The following CLCNKA variants were observed in gnomAD, a reference collection of about 807,000 sequenced individuals.
CLCNKA encodes the protein chloride channel protein ClC-Ka.
In CLCNKA, 66 loss-of-function variants were observed where a neutral mutation model predicts 83.3. That is an observed-to-expected ratio of 0.79 (90% CI 0.65 to 0.97). The LOEUF is 0.97. Among genes scored for constraint, CLCNKA ranks in the 50% least tolerant of loss-of-function variants. The probability of loss-of-function intolerance (pLI) is 0.00; values close to 1 mark genes in which losing one functional copy is unlikely to be tolerated. For synonymous variants in CLCNKA, 357 were observed against 370.4 expected, an observed-to-expected ratio of 0.96 and a Z score of 0.42; for missense variants, 806 against 888.7, an observed-to-expected ratio of 0.91 and a Z score of 1.18.
intron 3 of CLCNKA, 108 bp downstream of exon 3, chr1:16,024,036 G>T: frequency 7.2e-7 from 1 of 1,383,242 alleles, no homozygotes; most frequent in African/African-American, 1.4e-5. Flanking sequence ...ACCTGGGTGC[G>T]GGGAGGGCTC....
chr1:16,031,338 G>T (rs1182830548), intron 15 of CLCNKA, among the ~76,000 whole-genome samples: 1 of 152,156 alleles, frequency 6.6e-6, no homozygotes, highest in Non-Finnish European at 1.5e-5. Context: ...TCCAGGGAAG[G>T]CTGCTGGGTC....
Position 16,029,126 on chromosome 1 carries a change from C to G in CLCNKA, c.1054C>G (p.Leu352Val), listed in dbSNP as rs2022507976. 1.9e-6 allele frequency: 3 copies of G among 1,611,060 alleles called. No homozygotes were observed. The highest frequency in any genetic ancestry group is 1.3e-5 in the African/African-American group (1 of 74,832). The change falls in exon 12 of 20, where the codon CTG becomes GTG. Residue 352 changes from leucine to valine, a missense_variant and splice_region_variant. Leu to Val is a conservative substitution (Grantham distance 32). Coordinates refer to ENST00000331433, the MANE Select transcript of CLCNKA (RefSeq NM_004070.4). Reference sequence around the variant, plus strand: ...CCAGTTCCCACCTGCCCCGCCACAGCTGTCCATGAAGCAGCATCTGGACTC... The same window carrying G: ...CCAGTTCCCACCTGCCCCGCCACAGGTGTCCATGAAGCAGCATCTGGACTC... ...PGVGHFLASR[L>V]SMKQHLDSLF...
At chr1:16,026,371 A>G in intron 5 of CLCNKA, 124 bp downstream of exon 5, 1 of 1,474,340 alleles carries the variant, frequency 6.8e-7, no homozygotes, top group Admixed American at 1.9e-5. Context: ...CAGGGAGCTC[A>G]GTCTTAGGGG....
chr1:16,033,603 T>C lies in CLCNKA; in HGVS notation c.2017-8T>C, dbSNP rs369688015. Reference sequence around the variant, plus strand: ...CCCCCCCACCTCCACCCCCTTTCTCTGTTCTAGATGAAGAAAGCAATTTCC... The same window carrying C: ...CCCCCCCACCTCCACCCCCTTTCTCCGTTCTAGATGAAGAAAGCAATTTCC... On this transcript the variant is annotated splice_region_variant and splice_polypyrimidine_tract_variant and intron_variant, in intron 19 of 19. Coordinates refer to ENST00000331433, the MANE Select transcript of CLCNKA (RefSeq NM_004070.4). The C allele has an allele frequency of 2.3e-6, 2 of 887,162 alleles. No individual in the cohort carries two copies. The highest frequency in any genetic ancestry group is 1.7e-6 in the Non-Finnish European group (1 of 604,656). The allele number at this position is 887,162 out of a possible 1,614,324, so 55.0% of individuals were successfully genotyped here.
rs767648310 is a variant in CLCNKA, at chr1:16,026,771, C to T, written c.651C>T (p.Phe217=). ...VGVATVFAAP[F]SGVLFSIEVM... ...TGGCCACAGTCTTTGCAGCTCCCTT[C>T]AGCGGTGAGACCCCCCTCATGCCCC... The change falls in exon 7 of 20, where the codon TTC becomes TTT. Residue 217 remains phenylalanine, a synonymous_variant. Transcript: ENST00000331433. The T allele has an allele frequency of 3.1e-6, 5 of 1,604,496 alleles. No homozygotes were observed. The highest frequency in any genetic ancestry group is 2.2e-5 in the South Asian group (2 of 91,030).
At chr1:16,030,335 G>A in intron 14 of CLCNKA, 126 bp from the exon 15 acceptor site, 1 of 1,220,238 alleles carries the variant, frequency 8.2e-7, no homozygotes, top group South Asian at 1.4e-5. Flanking sequence ...TTCCCACAGT[G>A]CCCAGGCTGT....
rs1436510495 is a variant in CLCNKA, at chr1:16,023,834, C to T, written c.135C>T (p.Arg45=). The change falls in exon 3 of 20, where the codon CGC becomes CGT. Residue 45 remains arginine (R), a synonymous_variant. Coordinates refer to ENST00000331433, the MANE Select transcript of CLCNKA (RefSeq NM_004070.4). The part of the protein sequence containing the change: ...GLEWLKQKVF[R]LGEDWYFLMT... ...AGTGGCTAAAGCAGAAGGTGTTCCG[C>T]CTGGGAGAAGACTGGTACTTCCTGA... 2 of 1,614,172 alleles carry T rather than the reference C, an allele frequency of 1.2e-6. No individual in the cohort carries two copies. The highest frequency in any genetic ancestry group is 2.2e-5 in the South Asian group (2 of 91,090).
intron 2 of CLCNKA, 46 bp downstream of exon 2, chr1:16,022,765 C>A: frequency 7.5e-7 from 1 of 1,334,258 alleles, no homozygotes; most frequent in Non-Finnish European, 1.0e-6. Context: ...CCACTCAGGA[C>A]ATCATTCCTG....
chr1:16,022,242 A>G (rs1467802266), intron 1 of CLCNKA, among the ~76,000 whole-genome samples, 179 bp downstream of exon 1: 1 of 151,986 alleles, frequency 6.6e-6, no homozygotes, highest in Non-Finnish European at 1.5e-5. Flanking sequence ...GTGCTCCGAG[A>G]TTGGCAGGGA....
rs997605024 is a variant in CLCNKA, at chr1:16,022,562, C to T, written c.-7-51C>T. 17 of 1,387,556 alleles carry T rather than the reference C, an allele frequency of 1.2e-5. No homozygotes were observed. In the African/African-American group the frequency reaches 1.9e-4, roughly 15 times the overall value. 86.0% of individuals were successfully genotyped at this position (1,387,556 alleles called of 1,614,324 possible). ...GCACTGGAAGGGCCCAGAGGCAGCG[C>T]GAGGACGTGCAGCAGCTCACCCGGG... is the stretch of plus-strand genomic sequence containing the variant. On this transcript the variant is annotated intron_variant, in intron 1 of 19. Transcript: ENST00000331433.
rs368912741 is a variant in CLCNKA, at chr1:16,029,720, C to G, written c.1228-11C>G. On this transcript the variant is annotated splice_polypyrimidine_tract_variant and intron_variant, in intron 12 of 19. Coordinates refer to ENST00000331433, the MANE Select transcript of CLCNKA (RefSeq NM_004070.4). Reference sequence around the variant, plus strand: ...CCTCTAACCTCTGCCCTGGGCTCCCCCTTCCTGCAGTTCTGGATGCTGATT... The same window carrying G: ...CCTCTAACCTCTGCCCTGGGCTCCCGCTTCCTGCAGTTCTGGATGCTGATT... 8 of 1,614,154 alleles carry G rather than the reference C, an allele frequency of 5.0e-6. No individual in the cohort carries two copies. Among genetic ancestry groups the G allele is most frequent in the Non-Finnish European group, 6.8e-6 (8 of 1,180,034 alleles).
At chr1:16,031,538 T>C (rs2022624626) in intron 15 of CLCNKA, among the ~76,000 whole-genome samples, 172 bp from the exon 16 acceptor site, 4 of 152,134 alleles carry the variant, frequency 2.6e-5, no homozygotes. Context: ...GGTCCCCAGG[T>C]TTCCTCCCAC....
rs1251349842 is a variant in CLCNKA at position 16,033,158 on chromosome 1, TC to T, written c.1930-7del. The T allele has an allele frequency of 6.2e-7, 1 of 1,613,598 alleles. No homozygotes were observed. The highest frequency in any genetic ancestry group is 1.3e-5 in the African/African-American group (1 of 74,894). On this transcript the variant is annotated splice_polypyrimidine_tract_variant and intron_variant, in intron 18 of 19. Transcript: ENST00000331433. ...TCTACCCTCCAGTGTTTCCTAACAA[TC>T]CCCCATCCAGGCACAAAACCTCTTT... is the stretch of plus-strand genomic sequence containing the variant.
intron 8 of CLCNKA, among the ~76,000 whole-genome samples, 157 bp downstream of exon 8, chr1:16,027,592 G>T (rs1557451571): frequency 6.6e-6 from 1 of 152,170 alleles, no homozygotes; most frequent in African/African-American, 2.4e-5. Context: ...GATGGAAGGG[G>T]CTGACCTGTG....
intron 4 of CLCNKA, among the ~76,000 whole-genome samples, chr1:16,025,516 C>G (rs1321340303): frequency 6.6e-6 from 1 of 151,990 alleles, no homozygotes; most frequent in African/African-American, 2.4e-5. Context: ...AAATAAAAAA[C>G]AACCACCACA....
In CLCNKA at chr1:16,029,151, C is replaced by T. The variant is rs751950916; in HGVS notation, c.1079C>T (p.Ser360Leu). The change falls in exon 12 of 20, where the codon TCG (serine) becomes TTG (leucine). Residue 360 changes from serine to leucine, a missense_variant. Transcript: ENST00000331433. ...SRLSMKQHLD[S>L]LFDNHSWALM... Reference sequence around the variant, plus strand: ...CTGTCCATGAAGCAGCATCTGGACTCGCTGTTCGACAACCACTCCTGGGCG... The same window carrying T: ...CTGTCCATGAAGCAGCATCTGGACTTGCTGTTCGACAACCACTCCTGGGCG... The T allele has an allele frequency of 8.1e-6, 13 of 1,612,042 alleles. No homozygotes were observed. The highest frequency in any genetic ancestry group is 4.5e-5 in the East Asian group (2 of 44,876).
intron 4 of CLCNKA, 149 bp downstream of exon 4, chr1:16,025,040 C>A: frequency 9.3e-7 from 1 of 1,079,516 alleles, no homozygotes; most frequent in Non-Finnish European, 1.4e-6. Flanking sequence ...AGCAAGAAGG[C>A]CAGATCTTGA....
chr1:16,029,857 C>A, intron 13 of CLCNKA, 57 bp downstream of exon 13: 1 of 1,608,598 alleles, frequency 6.2e-7, no homozygotes, highest in Non-Finnish European at 8.5e-7. Context: ...CAGGGCCATG[C>A]ATCCTGGTTC....
In CLCNKA at chr1:16,026,840, C is replaced by A. The variant is rs2022375619; in HGVS notation, c.655+65C>A. ...GCTCCTCCCCTCACACCCTGGGCTC[C>A]CTCGGCCCAGCTGAGAGCCTGGAGG... On this transcript the variant is annotated intron_variant, in intron 7 of 19. Transcript: ENST00000331433. The A allele has an allele frequency of 4.4e-6, 7 of 1,588,700 alleles. No homozygotes were observed. In the East Asian group the frequency reaches 6.7e-5, roughly 15 times the overall value.
Sources: allele counts gnomAD v4.1 joint callset (sites outside exome capture counted in the v4.1 genomes callset), GRCh38; gene constraint gnomAD v4.1.1; transcripts MANE v1.5; gene names NCBI Gene and HGNC (gene_info 2026-07-23, HGNC 2026-07-21).